Variants in MDN1 observed in about 807,000 individuals in gnomAD.
MDN1 encodes the protein midasin AAA ATPase 1.
A neutral mutation model predicts 669.2 loss-of-function variants in MDN1; 266 were observed. That is an observed-to-expected ratio of 0.40 (90% CI 0.36 to 0.44). The LOEUF (loss-of-function observed/expected upper bound fraction) is 0.44. MDN1 is among the 20% of genes least tolerant of loss of function. MDN1 has a pLI of 1.00. For missense variants in MDN1, 5,940 were observed against 6,754.0 expected (o/e 0.88, Z 4.22); for synonymous variants, 2,385 against 2,457.1 (o/e 0.97, Z 0.87).
intron 23 of MDN1, 181 bp downstream of exon 23, chr6:89,751,250 G>T: frequency 4.5e-6 from 3 of 659,618 alleles, no homozygotes; most frequent in African/African-American, 1.8e-5. Context: ...CTCCAAAGTT[G>T]CACAACTAGA....
At position 89,655,749 on chromosome 6, in the gene MDN1, T is replaced by G; in HGVS notation, c.15490+15A>C. On this transcript the variant is annotated intron_variant, in intron 92 of 101. Transcript: ENST00000369393. ...AGCTCAGTGGGCAAAGGCAGCAGCT[T>G]TCCCAGGACCGTACCATAGGTCTGT... The G allele has an allele frequency of 6.3e-7, 1 of 1,583,346 alleles. No homozygotes were observed. The highest frequency in any genetic ancestry group is 8.6e-7 in the Non-Finnish European group (1 of 1,163,768).
intron 30 of MDN1, 80 bp from the exon 31 acceptor site, chr6:89,743,360 G>A: frequency 6.4e-7 from 1 of 1,555,656 alleles, no homozygotes; most frequent in Non-Finnish European, 8.8e-7. Flanking sequence ...GGTGTTTCCA[G>A]GGGTGAAGTA....
Position 89,652,250 on chromosome 6 carries a change from T to C in MDN1, c.15857A>G (p.Gln5286Arg). 6.2e-6 allele frequency: 10 copies of C among 1,614,090 alleles called. No individual in the cohort carries two copies. Among genetic ancestry groups the C allele is most frequent in the South Asian group, 1.1e-5 (1 of 91,068 alleles). The part of the protein sequence containing the change: ...PFLKDVNELR[Q>R]ELERQLEMWQ... ...CATTTCCAGCTGTCTCTCCAGCTCC[T>C]GTCTTAGCTCATTGACATCTTTTAA... Residue 5286 changes from glutamine to arginine, a missense_variant, in exon 95 of 102, where the codon CAG (glutamine) becomes CGG (arginine). Gln to Arg is a conservative substitution (Grantham distance 43, BLOSUM62 1). Transcript: ENST00000369393.
intron 87 of MDN1, among the ~76,000 whole-genome samples, chr6:89,661,851 G>A (rs112778046): frequency 7.2e-5 from 11 of 152,264 alleles, no homozygotes; most frequent in African/African-American, 2.4e-4. Context: ...GGGATCACAG[G>A]TTTTAGCTTC....
At position 89,658,830 on chromosome 6, in the gene MDN1, T is replaced by G; in HGVS notation, c.14801A>C (p.Glu4934Ala). ...ERGETETDQN[E>A]SQSPQEPEEG... The stretch of plus-strand genomic sequence containing the variant: ...CTCAGGCTCCTGTGGACTCTGACTT[T>G]CGTTCTGGTCGGTCTCGGTCTCTCC... Residue 4934 changes from glutamate (E) to alanine (A), a missense_variant, in exon 89 of 102, where the codon GAA becomes GCA. Physicochemically the swap from Glu to Ala is moderately radical, Grantham distance 107. Transcript: ENST00000369393. The G allele has an allele frequency of 6.2e-7, 1 of 1,614,236 alleles. No individual in the cohort carries two copies. The highest frequency in any genetic ancestry group is 8.5e-7 in the Non-Finnish European group (1 of 1,180,048).
chr6:89,786,101 GA>G (rs1818943338), intron 8 of MDN1, among the ~76,000 whole-genome samples: 1 of 151,712 alleles, frequency 6.6e-6, no homozygotes, highest in Non-Finnish European at 1.5e-5. Context: ...ATCTCTATTA[GA>G]AACACAAAAA....
At chr6:89,666,143 T>A (rs913252082) in intron 84 of MDN1, among the ~76,000 whole-genome samples, 3 of 152,246 alleles carry the variant, frequency 2.0e-5, no homozygotes, top group Non-Finnish European at 2.9e-5. Context: ...AACCTTTGAC[T>A]TTTTTCTATG....
At chr6:89,814,432 C>T (rs72919971) in intron 1 of MDN1, among the ~76,000 whole-genome samples, 1 of 150,678 alleles carries the variant, frequency 6.6e-6, no homozygotes, top group Non-Finnish European at 1.5e-5. Context: ...CTATGTTGCC[C>T]AAGCTGGTCT....
At chr6:89,651,324 CAAAAAAAA>C (rs57142164) in intron 95 of MDN1, among the ~76,000 whole-genome samples, 8 of 94,656 alleles carry the variant, frequency 8.5e-5, no homozygotes, top group South Asian at 3.7e-4. Context: ...GATTCCGTCT[CAAAAAAAA>C]AAAAAAAAAA....
At position 89,789,767 on chromosome 6, in the gene MDN1, T is replaced by C; in HGVS notation, c.1230+13A>G. 6.4e-7 allele frequency: 1 copy of C among 1,573,984 alleles called. No homozygotes were observed. Reference sequence around the variant, plus strand: ...ATATATTAAGGGACAATGAATTTCCTGAGATGACATACCACGTCTAAGGGG... The same window carrying C: ...ATATATTAAGGGACAATGAATTTCCCGAGATGACATACCACGTCTAAGGGG... On this transcript the variant is annotated intron_variant, in intron 7 of 101. Coordinates refer to ENST00000369393, the MANE Select transcript of MDN1 (RefSeq NM_014611.3).
chr6:89,718,571 C>A lies in MDN1; in HGVS notation c.6378G>T (p.Arg2126Ser). Residue 2126 changes from arginine to serine, a missense_variant, in exon 43 of 102, where the codon AGG (arginine) becomes AGT (serine). Physicochemically the swap from Arg to Ser is moderately radical, Grantham distance 110 (BLOSUM62 -1). Transcript: ENST00000369393. Reference sequence around the variant, plus strand: ...TAAGGAGGCTATCCCTTAACAGTGCCCTTACAGTTCCCTCCACCTTCTCTA... The same window carrying A: ...TAAGGAGGCTATCCCTTAACAGTGCACTTACAGTTCCCTCCACCTTCTCTA... ...RLLEKVEGTV[R>S]ALLRDSLLIS... 6.2e-7 allele frequency: 1 copy of A among 1,614,092 alleles called. No individual in the cohort carries two copies. The highest frequency in any genetic ancestry group is 8.5e-7 in the Non-Finnish European group (1 of 1,179,992).
chr6:89,656,351 A>G lies in MDN1; in HGVS notation c.15285+349T>C, dbSNP rs529490206. On this transcript the variant is annotated intron_variant, in intron 91 of 101. Coordinates refer to ENST00000369393, the MANE Select transcript of MDN1 (RefSeq NM_014611.3). ...TAATTTTGCATCACGTGCATAAATT[A>G]TACCCTACTTAAAAAAAAACTTACT... 2.0e-5 allele frequency among the ~76,000 whole-genome samples: 3 copies of G among 152,304 alleles called. No homozygotes were observed. The South Asian group carries it at 6.2e-4, about 32-fold the overall frequency.
At chr6:89,693,216 C>G (rs903073600) in intron 62 of MDN1, 68 bp from the exon 63 acceptor site, 2 of 1,164,316 alleles carry the variant, frequency 1.7e-6, no homozygotes, top group African/African-American at 3.1e-5. Flanking sequence ...ATTGGATCCT[C>G]AGCTAGGAAA....
At chr6:89,781,245 T>C (rs1001605335) in intron 10 of MDN1, 154 bp downstream of exon 10, 16 of 690,202 alleles carry the variant, frequency 2.3e-5, no homozygotes, top group Non-Finnish European at 3.2e-5. Flanking sequence ...AACCTGACTA[T>C]TTACTTCTAG....
rs117574103 is a variant in MDN1, at chr6:89,803,041, T to C, written c.329+287A>G. Among the ~76,000 whole-genome samples the C allele has an allele frequency of 2.8e-4, 43 of 152,312 alleles. 1 individual carries two copies. In the East Asian group the frequency reaches 7.9e-3, roughly 28 times the overall value. ...TAAACCTCATTTACTCCGCTGTATATGCATGTCTTGCCACATGATACAATC... is the reference window on the plus strand; with the variant it reads ...TAAACCTCATTTACTCCGCTGTATACGCATGTCTTGCCACATGATACAATC... On this transcript the variant is annotated intron_variant, in intron 2 of 101. Coordinates refer to ENST00000369393, the MANE Select transcript of MDN1 (RefSeq NM_014611.3).
chr6:89,665,667 ACTGCG>A (rs1425934535), intron 84 of MDN1, among the ~76,000 whole-genome samples: 2 of 143,308 alleles, frequency 1.4e-5, no homozygotes, highest in Non-Finnish European at 3.0e-5. Flanking sequence ...AGATCATACT[ACTGCG>A]CTCTAGCCTG....
chr6:89,693,283 G>T, intron 62 of MDN1, 135 bp from the exon 63 acceptor site: 1 of 632,884 alleles, frequency 1.6e-6, no homozygotes, highest in Non-Finnish European at 2.7e-6. Flanking sequence ...CATCTCAGTT[G>T]TGATAATACT....
In MDN1 at chr6:89,728,978, T is replaced by C. The variant is rs1815406111; in HGVS notation, c.5302A>G (p.Lys1768Glu). The change falls in exon 36 of 102, where the codon AAG becomes GAG. Residue 1768 changes from lysine (K) to glutamate (E), a missense_variant. Lys to Glu is a moderately conservative substitution (Grantham distance 56). This residue lies in a region of MDN1 where 2,292 missense variants were observed against 2,638.3 expected (regional missense o/e 0.87). Transcript: ENST00000369393. ...CTAACAAGGGTATTTCCTGAAGCCTTTGCTAATGCTCCCACCAAACTTGTC... is the reference window on the plus strand; with the variant it reads ...CTAACAAGGGTATTTCCTGAAGCCTCTGCTAATGCTCCCACCAAACTTGTC... ...GKTSLVGALA[K>E]ASGNTLVRIN... 1.9e-6 allele frequency: 3 copies of C among 1,614,040 alleles called. No homozygotes were observed. The highest frequency in any genetic ancestry group is 2.5e-6 in the Non-Finnish European group (3 of 1,180,024).
At position 89,661,671 on chromosome 6, in the gene MDN1, A is replaced by G. The variant is rs1484219971; in HGVS notation, c.14566-93T>C. The G allele has an allele frequency of 9.2e-6, 11 of 1,202,130 alleles. No individual in the cohort carries two copies. The East Asian group carries it at 1.8e-4, about 20-fold the overall frequency. The allele number at this position is 1,202,130 out of a possible 1,614,324, so 74.5% of individuals were successfully genotyped here. The stretch of plus-strand genomic sequence containing the variant: ...CATAAAATCAGCTCTAAGTATTTAC[A>G]CTGTGAGAGAACACAATATCTATTC... On this transcript the variant is annotated intron_variant, in intron 87 of 101. Coordinates refer to ENST00000369393, the MANE Select transcript of MDN1 (RefSeq NM_014611.3).
Sources: allele counts gnomAD v4.1 joint callset (sites outside exome capture counted in the v4.1 genomes callset), GRCh38; gene constraint gnomAD v4.1.1; regional missense constraint gnomAD v4.1.1; transcripts MANE v1.5; gene names NCBI Gene and HGNC (gene_info 2026-07-23, HGNC 2026-07-21).